The following DCC variants were observed in gnomAD, a reference collection of about 807,000 sequenced individuals.
DCC encodes DCC netrin 1 receptor.
A neutral mutation model predicts 172.5 loss-of-function variants in DCC; 58 were observed. The ratio of observed to expected loss-of-function variants is 0.34; its 90% CI spans 0.27 to 0.42. The LOEUF (loss-of-function observed/expected upper bound fraction) is 0.42, where lower values mean the gene tolerates loss of function less well. DCC is among the 10% of genes least tolerant of loss of function. DCC has a pLI of 1.00. For missense variants in DCC, 1,740 were observed against 1,791.0 expected, an observed-to-expected ratio of 0.97 and a Z score of 0.51; for synonymous variants, 709 against 644.5, an observed-to-expected ratio of 1.10 and a Z score of -1.52.
At chr18:53,323,209 T>C (rs951277466) in intron 14 of DCC, among the ~76,000 whole-genome samples, 2 of 152,170 alleles carry the variant, frequency 1.3e-5, no homozygotes, top group South Asian at 4.1e-4. Context: ...TTGTATTACT[T>C]TCTCATGTCA....
At chr18:53,207,430 T>C (rs921436488) in intron 10 of DCC, among the ~76,000 whole-genome samples, 2 of 152,164 alleles carry the variant, frequency 1.3e-5, no homozygotes, top group Admixed American at 6.5e-5. Flanking sequence ...ATTCAGTACA[T>C]TGAGTAGTGT....
chr18:52,373,945 T>C (rs1598871911), intron 1 of DCC, among the ~76,000 whole-genome samples: 1 of 143,004 alleles, frequency 7.0e-6, no homozygotes, highest in Admixed American at 7.5e-5. Flanking sequence ...CAGGCTGGAG[T>C]GCATGGCTCA....
intron 2 of DCC, among the ~76,000 whole-genome samples, chr18:52,861,755 C>T (rs2039146079): frequency 6.6e-6 from 1 of 152,096 alleles, no homozygotes; most frequent in African/African-American, 2.4e-5. Flanking sequence ...ATGATTACGT[C>T]AGCTTTTAAA....
At chr18:52,513,362 T>C (rs1325585525) in intron 1 of DCC, among the ~76,000 whole-genome samples, 2 of 152,118 alleles carry the variant, frequency 1.3e-5, no homozygotes, top group African/African-American at 4.8e-5. Flanking sequence ...TATAACCTAA[T>C]CTCTCTGATT....
intron 15 of DCC, among the ~76,000 whole-genome samples, chr18:53,350,245 T>A (rs566467619): frequency 2.5e-4 from 38 of 152,268 alleles, no homozygotes; most frequent in Non-Finnish European, 4.7e-4. Flanking sequence ...TCACCGCCAT[T>A]GATGTGGATT....
chr18:52,795,710 C>A (rs1052652492), intron 2 of DCC, among the ~76,000 whole-genome samples: 38 of 151,636 alleles, frequency 2.5e-4, no homozygotes, highest in Admixed American at 3.3e-4. Context: ...GAAATCTGTC[C>A]ACTTTTATGA....
intron 26 of DCC, among the ~76,000 whole-genome samples, chr18:53,498,953 A>G (rs2046061394): frequency 6.6e-6 from 1 of 152,214 alleles, no homozygotes; most frequent in African/African-American, 2.4e-5. Context: ...TTTCACTGAC[A>G]TTGCTACTTA....
At chr18:53,188,262 A>G (rs1445156222) in intron 9 of DCC, among the ~76,000 whole-genome samples, 2 of 152,214 alleles carry the variant, frequency 1.3e-5, no homozygotes, top group Admixed American at 1.3e-4. Flanking sequence ...CCCAAGGCCT[A>G]TGTCTAGATT....
intron 1 of DCC, among the ~76,000 whole-genome samples, chr18:52,567,317 T>C (rs1374943348): frequency 6.6e-6 from 1 of 152,134 alleles, no homozygotes; most frequent in African/African-American, 2.4e-5. Context: ...AAGACAGGTC[T>C]ACCAAGTCAC....
chr18:52,587,850 C>A (rs1440344206), intron 1 of DCC, among the ~76,000 whole-genome samples: 1 of 152,148 alleles, frequency 6.6e-6, no homozygotes, highest in Non-Finnish European at 1.5e-5. Flanking sequence ...CCCCATGAGG[C>A]CATTGGTACA....
At chr18:53,505,680 A>C (rs540682676) in intron 27 of DCC, among the ~76,000 whole-genome samples, 12 of 152,308 alleles carry the variant, frequency 7.9e-5, no homozygotes, top group African/African-American at 2.6e-4. Flanking sequence ...AGAAAGTGAA[A>C]AATAATAAAT....
chr18:52,445,651 T>C (rs937306413), intron 1 of DCC, among the ~76,000 whole-genome samples: 1 of 152,168 alleles, frequency 6.6e-6, no homozygotes, highest in African/African-American at 2.4e-5. Context: ...GAATTTTGAA[T>C]ATGTAAGCTG....
intron 5 of DCC, among the ~76,000 whole-genome samples, chr18:52,952,872 C>T (rs150844860): frequency 1.3e-5 from 2 of 151,582 alleles, no homozygotes; most frequent in Non-Finnish European, 2.9e-5. Flanking sequence ...GTCACACATG[C>T]CTGTAGTCCC....
chr18:52,696,907 T>C (rs2036021296), intron 1 of DCC, among the ~76,000 whole-genome samples: 1 of 152,090 alleles, frequency 6.6e-6, no homozygotes, highest in South Asian at 2.1e-4. Flanking sequence ...AAAAGTTAGA[T>C]TCCATAATTT....
chr18:53,258,461 C>T (rs1003899201), intron 12 of DCC, among the ~76,000 whole-genome samples: 10 of 152,138 alleles, frequency 6.6e-5, no homozygotes, highest in African/African-American at 1.9e-4. Context: ...GCCTTCATTT[C>T]GTTATGTACC....
At chr18:52,709,008 G>A (rs1364886168) in intron 1 of DCC, among the ~76,000 whole-genome samples, 1 of 152,048 alleles carries the variant, frequency 6.6e-6, no homozygotes, top group Admixed American at 6.6e-5. Flanking sequence ...ATGCATTTAG[G>A]GTTCAGTTTA....
intron 8 of DCC, among the ~76,000 whole-genome samples, chr18:53,175,983 T>C (rs1598876937): frequency 6.6e-6 from 1 of 151,502 alleles, no homozygotes; most frequent in African/African-American, 2.4e-5. Flanking sequence ...AACAGAGATA[T>C]AGATCAATGG....
chr18:53,274,458 G>C (rs771414922), intron 12 of DCC, among the ~76,000 whole-genome samples: 2 of 152,124 alleles, frequency 1.3e-5, no homozygotes, highest in Non-Finnish European at 2.9e-5. Flanking sequence ...GCAATATGCT[G>C]TCATGACATC....
intron 8 of DCC, among the ~76,000 whole-genome samples, chr18:53,172,076 A>C (rs2055022210): frequency 6.6e-6 from 1 of 152,278 alleles, no homozygotes; most frequent in South Asian, 2.1e-4. Flanking sequence ...AAAAACATCC[A>C]TGCACTCATA....
Sources: allele counts gnomAD v4.1 joint callset (sites outside exome capture counted in the v4.1 genomes callset), GRCh38; gene constraint gnomAD v4.1.1; transcripts MANE v1.5; gene names NCBI Gene and HGNC (gene_info 2026-07-23, HGNC 2026-07-21).